The following MGAT4C variants were observed in gnomAD, a reference collection of about 807,000 sequenced individuals.
MGAT4C encodes the protein alpha-1,3-mannosyl-glycoprotein 4-beta-N-acetylglucosaminyltransferase C.
MGAT4C carries 19 observed loss-of-function variants against 40.1 expected under a neutral mutation model. The observed-to-expected ratio is 0.47, with a 90% CI of 0.33 to 0.70. The LOEUF (loss-of-function observed/expected upper bound fraction) is 0.70. Ranked by LOEUF, MGAT4C falls within the 30% of genes least tolerant of loss-of-function variation. MGAT4C has a pLI of 0.02. For synonymous variants in MGAT4C, 181 were observed against 187.1 expected (o/e 0.97, Z 0.27); for missense variants, 491 against 563.2 (o/e 0.87, Z 1.30).
chr12:86,631,246 A>C (rs1270193613), intron 2 of MGAT4C, among the ~76,000 whole-genome samples: 1 of 152,154 alleles, frequency 6.6e-6, no homozygotes, highest in Non-Finnish European at 1.5e-5. Flanking sequence ...TGCTCAATGA[A>C]ATAAAGGAGG....
intron 3 of MGAT4C, among the ~76,000 whole-genome samples, chr12:86,363,928 GA>G (rs1955535687): frequency 6.6e-6 from 1 of 150,802 alleles, no homozygotes; most frequent in Non-Finnish European, 1.5e-5. Flanking sequence ...AATTTATTAA[GA>G]AAAAAATTAC....
intron 2 of MGAT4C, among the ~76,000 whole-genome samples, chr12:86,510,287 T>C (rs1383972852): frequency 1.3e-5 from 2 of 152,002 alleles, no homozygotes; most frequent in Non-Finnish European, 2.9e-5. Context: ...GTCAAGCAAA[T>C]GCTGAGAGAT....
intron 2 of MGAT4C, among the ~76,000 whole-genome samples, chr12:86,522,646 T>A (rs1042839384): frequency 3.9e-5 from 6 of 152,104 alleles, no homozygotes; most frequent in African/African-American, 1.2e-4. Context: ...CCTCCTCAAT[T>A]TTTTGGAATA....
chr12:86,338,066 A>T (rs956246529), intron 3 of MGAT4C, among the ~76,000 whole-genome samples: 6 of 152,092 alleles, frequency 3.9e-5, no homozygotes, highest in African/African-American at 1.4e-4. Context: ...AAGACAGGGG[A>T]ATTGCAATAA....
chr12:86,654,498 G>T (rs902332756), intron 2 of MGAT4C, among the ~76,000 whole-genome samples: 2 of 151,722 alleles, frequency 1.3e-5, no homozygotes, highest in African/African-American at 2.4e-5. Flanking sequence ...AACATCAGAG[G>T]TTTAAAAGAA....
intron 3 of MGAT4C, among the ~76,000 whole-genome samples, chr12:86,343,961 A>G (rs1954960801): frequency 6.6e-6 from 1 of 152,174 alleles, no homozygotes; most frequent in African/African-American, 2.4e-5. Context: ...ATCCACACAG[A>G]GATAACCTGA....
At chr12:86,496,927 T>C (rs971776152) in intron 2 of MGAT4C, among the ~76,000 whole-genome samples, 1 of 152,014 alleles carries the variant, frequency 6.6e-6, no homozygotes, top group African/African-American at 2.4e-5. Flanking sequence ...CCCTAATAGA[T>C]ATGAATTTGA....
At chr12:86,226,519 C>G (rs543902674) in intron 1 of MGAT4C, among the ~76,000 whole-genome samples, 1 of 152,056 alleles carries the variant, frequency 6.6e-6, no homozygotes, top group African/African-American at 2.4e-5. Flanking sequence ...CCCCTCTCTA[C>G]TCTCTGTCTT....
chr12:86,610,828 G>C (rs1042759620), intron 2 of MGAT4C, among the ~76,000 whole-genome samples: 6 of 146,288 alleles, frequency 4.1e-5, no homozygotes, highest in African/African-American at 1.5e-4. Context: ...AGACGGGAAA[G>C]TAGTACGTGG....
chr12:86,632,242 A>G (rs890525457), intron 2 of MGAT4C, among the ~76,000 whole-genome samples: 1 of 152,182 alleles, frequency 6.6e-6, no homozygotes, highest in Non-Finnish European at 1.5e-5. Flanking sequence ...GGATCATTAA[A>G]AAGTCAGGAA....
At chr12:86,403,812 T>C (rs1390089098) in intron 3 of MGAT4C, among the ~76,000 whole-genome samples, 2 of 152,168 alleles carry the variant, frequency 1.3e-5, no homozygotes, top group Non-Finnish European at 2.9e-5. Flanking sequence ...GGGGACACTT[T>C]TATGATTGGT....
At chr12:86,051,109 A>T (rs1282273056) in intron 1 of MGAT4C, among the ~76,000 whole-genome samples, 3 of 152,012 alleles carry the variant, frequency 2.0e-5, no homozygotes, top group African/African-American at 7.2e-5. Flanking sequence ...ATACATTTGA[A>T]ACATCGATGA....
At chr12:86,383,923 A>T (rs954661227) in intron 3 of MGAT4C, among the ~76,000 whole-genome samples, 3 of 152,106 alleles carry the variant, frequency 2.0e-5, no homozygotes, top group African/African-American at 7.2e-5. Flanking sequence ...CCCCACTCAG[A>T]TCTTATCTTG....
At chr12:86,530,441 G>T (rs1958961821) in intron 2 of MGAT4C, among the ~76,000 whole-genome samples, 1 of 151,902 alleles carries the variant, frequency 6.6e-6, no homozygotes, top group African/African-American at 2.4e-5. Flanking sequence ...ATGAAGCAAA[G>T]ACATATTATG....
intron 2 of MGAT4C, among the ~76,000 whole-genome samples, chr12:86,719,168 C>A (rs61949579): frequency 1.3e-5 from 2 of 152,154 alleles, no homozygotes; most frequent in African/African-American, 4.8e-5. Context: ...GGTCCACCTT[C>A]GTATCACAAG....
chr12:86,774,343 C>CTTTTTCTTTCTTTCTTTCTTTCTTTCTG (rs1565981678), intron 1 of MGAT4C, among the ~76,000 whole-genome samples: 2 of 54,502 alleles, frequency 3.7e-5, no homozygotes, highest in African/African-American at 5.4e-5. Flanking sequence ...TTCTTTCTGT[C>CTTTTTCTTTCTTTCTTTCTTTCTTTCTG]TCTCTCTCTC....
At chr12:86,150,758 T>C (rs151061930) in intron 1 of MGAT4C, among the ~76,000 whole-genome samples, 8 of 151,994 alleles carry the variant, frequency 5.3e-5, no homozygotes, top group African/African-American at 1.9e-4. Flanking sequence ...AAAATAGAGA[T>C]TAAAAGCAAC....
At chr12:86,208,138 C>A (rs1199536407) in intron 1 of MGAT4C, among the ~76,000 whole-genome samples, 5 of 152,196 alleles carry the variant, frequency 3.3e-5, no homozygotes, top group Admixed American at 3.3e-4. Context: ...TCACAGAGGT[C>A]TCTTTCCTCT....
At chr12:86,418,570 A>G (rs751973426) in intron 3 of MGAT4C, among the ~76,000 whole-genome samples, 8 of 151,442 alleles carry the variant, frequency 5.3e-5, no homozygotes, top group Non-Finnish European at 8.8e-5. Context: ...TAGCCTGGGC[A>G]ACAGAGCAAG....
Sources: gnomAD v4.1 joint callset for allele counts (sites outside exome capture counted in the v4.1 genomes callset) on GRCh38, gnomAD v4.1.1 for gene constraint, MANE v1.5 for transcripts, NCBI Gene and HGNC (gene_info 2026-07-23, HGNC 2026-07-21) for gene names.